HMCN2: variants seen among roughly 807,000 people sequenced by gnomAD.
The protein encoded by HMCN2 is hemicentin 2.
HMCN2 carries 325 observed loss-of-function variants against 377.5 expected under a neutral mutation model. The observed-to-expected ratio is 0.86, with a 90% CI of 0.79 to 0.94. The LOEUF is 0.94. HMCN2 is among the 40% of genes least tolerant of loss of function. The probability of loss-of-function intolerance (pLI) is 0.00; values close to 1 mark genes in which losing one functional copy is unlikely to be tolerated. For synonymous variants in HMCN2, 2,007 were observed against 2,046.8 expected, an observed-to-expected ratio of 0.98 and a Z score of 0.53; for missense variants, 4,543 against 4,725.3, an observed-to-expected ratio of 0.96 and a Z score of 1.13.
intron 92 of HMCN2, 49 bp downstream of exon 92, chr9:130,427,668 C>T (rs543415216): frequency 6.6e-7 from 1 of 1,521,332 alleles, no homozygotes; most frequent in Middle Eastern, 2.2e-4. Flanking sequence ...TCAGACCTGA[C>T]CCAGGTGTGC....
At chr9:130,335,025 G>T (rs928881755) in intron 22 of HMCN2, among the ~76,000 whole-genome samples, 9 of 152,024 alleles carry the variant, frequency 5.9e-5, no homozygotes, top group Admixed American at 3.9e-4. Flanking sequence ...TTGTAGAGAT[G>T]AGGTCTCCTT....
chr9:130,433,953 C>G lies in HMCN2; in HGVS notation c.*260C>G. ...GGGCCCGGGGAAGCCCGGATCAGAC[C>G]TCCAGGTCTGATCCGCCCCTCAGTG... On this transcript the variant is annotated 3_prime_UTR_variant, in exon 98 of 98. Transcript: ENST00000683500. 2.4e-6 allele frequency: 1 copy of G among 420,376 alleles called. No individual in the cohort carries two copies. Among genetic ancestry groups the G allele is most frequent in the East Asian group, 4.0e-5 (1 of 25,174 alleles). The allele number at this position is 420,376 out of a possible 1,614,324, so 26.0% of individuals were successfully genotyped here.
At chr9:130,383,094 G>T (rs1246863135) in intron 56 of HMCN2, among the ~76,000 whole-genome samples, 1 of 152,158 alleles carries the variant, frequency 6.6e-6, no homozygotes, top group Non-Finnish European at 1.5e-5. Context: ...ATGGGTGCGG[G>T]ACCCAGAGCC....
At chr9:130,387,002 G>A (rs931465998) in intron 61 of HMCN2, among the ~76,000 whole-genome samples, 1 of 152,234 alleles carries the variant, frequency 6.6e-6, no homozygotes, top group Non-Finnish European at 1.5e-5. Flanking sequence ...CGCCATGACA[G>A]TGTCTATAAA....
At position 130,428,557 on chromosome 9, in the gene HMCN2, A is replaced by C; in HGVS notation, c.14197+68A>C. 1 of 1,518,476 alleles carries C rather than the reference A, an allele frequency of 6.6e-7. No homozygotes were observed. 94.1% of individuals were successfully genotyped at this position (1,518,476 alleles called of 1,614,324 possible). Reference sequence around the variant, plus strand: ...CCCAGAGGTTGCCAGGGATCAGCTGACAGGGGGCTGTGTGTCACTGGGCTC... The same window carrying C: ...CCCAGAGGTTGCCAGGGATCAGCTGCCAGGGGGCTGTGTGTCACTGGGCTC... On this transcript the variant is annotated intron_variant, in intron 93 of 97. Transcript: ENST00000683500. The surrounding 1 kb of genome is among the most constrained non-coding windows in gnomAD (Gnocchi z 5.0).
At position 130,347,589 on chromosome 9, in the gene HMCN2, AG is replaced by A. The variant is rs1266965275; in HGVS notation, c.4024+234del. Among the ~76,000 whole-genome samples, 12 of 152,148 alleles carry A rather than the reference AG, an allele frequency of 7.9e-5. No individual in the cohort carries two copies. Among genetic ancestry groups the A allele is most frequent in the Non-Finnish European group, 1.8e-4 (12 of 68,004 alleles). On this transcript the variant is annotated intron_variant, in intron 26 of 97. Coordinates refer to ENST00000683500, the MANE Select transcript of HMCN2 (RefSeq NM_001291815.2). The surrounding 1 kb of genome is among the most constrained non-coding windows in gnomAD (Gnocchi z 5.1). ...AGGTGCCAGTGACAGGGAGGGCTTG[AG>A]GGGGCTGGGAGAGTGGCAGGTTGCA...
rs572549464 is a variant in HMCN2, at chr9:130,410,697, G to C, written c.12961+45G>C. ...GAGTGGGGACGTGGGAAGTGTGCTC[G>C]GGGACAGCGGTGGCGTGTGCAGCCT... On this transcript the variant is annotated intron_variant, in intron 85 of 97. Coordinates refer to ENST00000683500, the MANE Select transcript of HMCN2 (RefSeq NM_001291815.2). 2.8e-4 allele frequency: 424 copies of C among 1,514,636 alleles called. 2 individuals carry two copies. In the African/African-American group the frequency reaches 4.8e-3, roughly 17 times the overall value. The allele number at this position is 1,514,636 out of a possible 1,614,324, so 93.8% of individuals were successfully genotyped here.
chr9:130,418,894 C>G lies in HMCN2; in HGVS notation c.13084C>G (p.Pro4362Ala). The change falls in exon 86 of 98, where the codon CCC (proline) becomes GCC (alanine). Residue 4362 changes from proline (P) to alanine (A), a missense_variant. By Grantham distance (27) the Pro-to-Ala change is conservative. Transcript: ENST00000683500. ...PTIEWLQAGQ[P>A]LRASRRLRTL... Reference sequence around the variant, plus strand: ...CATTGAATGGCTACAGGCGGGTCAACCCTTGCGGGCCAGCCGGCGGCTCCG... The same window carrying G: ...CATTGAATGGCTACAGGCGGGTCAAGCCTTGCGGGCCAGCCGGCGGCTCCG... The G allele has an allele frequency of 1.3e-6, 2 of 1,549,736 alleles. No homozygotes were observed. The highest frequency in any genetic ancestry group is 4.9e-5 in the East Asian group (2 of 40,904).
At chr9:130,417,753 A>G (rs1367654527) in intron 85 of HMCN2, among the ~76,000 whole-genome samples, 4 of 152,176 alleles carry the variant, frequency 2.6e-5, no homozygotes, top group Admixed American at 6.5e-5. Flanking sequence ...AGTGAGGCTA[A>G]TGTGGGCCTC....
chr9:130,430,359 T>G lies in HMCN2; in HGVS notation c.14402T>G (p.Leu4801Arg), dbSNP rs45476994. The G allele has an allele frequency of 1.5e-5, 23 of 1,549,350 alleles. No individual in the cohort carries two copies. Among genetic ancestry groups the G allele is most frequent in the Non-Finnish European group, 1.7e-5 (20 of 1,146,914 alleles). Residue 4801 changes from leucine (L) to arginine (R), a missense_variant, in exon 95 of 98, where the codon CTG (leucine) becomes CGG (arginine). Transcript: ENST00000683500. ...AACCTCCAGGGCAGCTACCGCTGCCTGTGCCCCCCAGGCCAGACCCTCCTT... is the reference window on the plus strand; with the variant it reads ...AACCTCCAGGGCAGCTACCGCTGCCGGTGCCCCCCAGGCCAGACCCTCCTT... ...CHNLQGSYRC[L>R]CPPGQTLLRD...
intron 81 of HMCN2, 67 bp from the exon 82 acceptor site, chr9:130,405,888 G>T: frequency 8.6e-7 from 1 of 1,161,052 alleles, no homozygotes; most frequent in Non-Finnish European, 1.1e-6. Flanking sequence ...ACCTTCAAGG[G>T]TCAGGGGCAT....
chr9:130,421,989 AC>A (rs1844042836), intron 86 of HMCN2, among the ~76,000 whole-genome samples: 1 of 152,004 alleles, frequency 6.6e-6, no homozygotes, highest in Non-Finnish European at 1.5e-5. Context: ...CAGAGGAAGC[AC>A]CCCCCTGTGC....
intron 48 of HMCN2, among the ~76,000 whole-genome samples, chr9:130,373,401 A>C (rs111906846): frequency 5.9e-5 from 9 of 152,254 alleles, no homozygotes; most frequent in African/African-American, 2.2e-4. Flanking sequence ...GGCCATCTCC[A>C]CTGGGCTCCC....
chr9:130,277,648 A>G (rs1270072899), intron 1 of HMCN2, among the ~76,000 whole-genome samples: 1 of 152,198 alleles, frequency 6.6e-6, no homozygotes, highest in Non-Finnish European at 1.5e-5. Flanking sequence ...CTTGGTGCTT[A>G]GTAAACATCA....
intron 22 of HMCN2, among the ~76,000 whole-genome samples, chr9:130,330,249 G>A (rs1309576283): frequency 6.6e-6 from 1 of 152,114 alleles, no homozygotes; most frequent in Non-Finnish European, 1.5e-5. Context: ...TCCCTGCTGA[G>A]CTGCCCCAAG....
intron 53 of HMCN2, among the ~76,000 whole-genome samples, chr9:130,378,369 G>C (rs1278341558): frequency 8.9e-6 from 1 of 112,746 alleles, no homozygotes; most frequent in Non-Finnish European, 1.8e-5. Context: ...GGATGAGGAG[G>C]CTGGTAGGCT....
At chr9:130,291,008 A>G (rs897370676) in intron 4 of HMCN2, among the ~76,000 whole-genome samples, 4 of 152,178 alleles carry the variant, frequency 2.6e-5, no homozygotes, top group African/African-American at 7.2e-5. Flanking sequence ...CATGCAAGAC[A>G]CCACTTTTAA....
intron 62 of HMCN2, among the ~76,000 whole-genome samples, chr9:130,389,158 C>T (rs537660776): frequency 6.6e-6 from 1 of 152,314 alleles, no homozygotes; most frequent in African/African-American, 2.4e-5. Flanking sequence ...GCCACCTCTC[C>T]CTGCCCCTCC....
chr9:130,322,631 G>A (rs902951758), intron 19 of HMCN2, among the ~76,000 whole-genome samples: 3 of 151,930 alleles, frequency 2.0e-5, no homozygotes, highest in Non-Finnish European at 4.4e-5. Context: ...GAACAGCCTC[G>A]TACCTACACA....
Sources: allele counts gnomAD v4.1 joint callset (sites outside exome capture counted in the v4.1 genomes callset), GRCh38; gene constraint gnomAD v4.1.1; non-coding constraint Gnocchi (gnomAD v3.1); transcripts MANE v1.5; gene names NCBI Gene and HGNC (gene_info 2026-07-23, HGNC 2026-07-21).